Variants in CCNY observed in about 807,000 individuals in gnomAD.
The protein encoded by CCNY is cyclin Y, also known as cyclin-Y.
A neutral mutation model predicts 42.8 loss-of-function variants in CCNY; 19 were observed. The observed-to-expected ratio is 0.44, with a 90% CI of 0.31 to 0.65. CCNY has a LOEUF of 0.65. Ranked by LOEUF, CCNY falls within the 30% of genes least tolerant of loss-of-function variation. The pLI is 0.07. For synonymous variants in CCNY, 165 were observed against 162.7 expected, an observed-to-expected ratio of 1.01 and a Z score of -0.11; for missense variants, 370 against 437.3, an observed-to-expected ratio of 0.85 and a Z score of 1.37.
intron 1 of CCNY, among the ~76,000 whole-genome samples, chr10:35,401,739 G>T (rs1388884640): frequency 3.3e-5 from 5 of 152,096 alleles, no homozygotes; most frequent in African/African-American, 1.2e-4. Context: ...TAGGTTTTGG[G>T]ATAGACGATG....
chr10:35,337,671 T>C (rs533075994), intron 1 of CCNY, among the ~76,000 whole-genome samples: 39 of 152,276 alleles, frequency 2.6e-4, no homozygotes, highest in African/African-American at 9.1e-4. Flanking sequence ...TGGAGAACCA[T>C]GTTGAGTCAG....
In CCNY at chr10:35,525,967, C is replaced by T. The variant is rs372857520; in HGVS notation, c.369C>T (p.Val123=). The change falls in exon 5 of 10, where the codon GTC becomes GTT. Residue 123 remains valine (V), a synonymous_variant. Coordinates refer to ENST00000374704, the MANE Select transcript of CCNY (RefSeq NM_145012.6). ...QPNLKYTIKC[V]ALAIYYHIKN... ...CCTCTGCATTCTATTTTTACAGTGTCGCTCTTGCAATATATTATCACATCA... is the reference window on the plus strand; with the variant it reads ...CCTCTGCATTCTATTTTTACAGTGTTGCTCTTGCAATATATTATCACATCA... 44 of 1,611,660 alleles carry T rather than the reference C, an allele frequency of 2.7e-5. No homozygotes were observed. The highest frequency in any genetic ancestry group is 2.2e-5 in the East Asian group (1 of 44,748).
At chr10:35,344,940 G>A (rs1837014832) in intron 1 of CCNY, among the ~76,000 whole-genome samples, 1 of 152,228 alleles carries the variant, frequency 6.6e-6, no homozygotes. Context: ...ATTCCCTGGT[G>A]TATACGTGCC....
intron 3 of CCNY, among the ~76,000 whole-genome samples, chr10:35,254,507 T>C (rs1490208084): frequency 6.6e-6 from 1 of 152,166 alleles, no homozygotes; most frequent in East Asian, 1.9e-4. Flanking sequence ...TTTTTTTCTT[T>C]AGCACATAAT....
At position 35,291,172 on chromosome 10, in the gene CCNY, A is replaced by AT. The variant is rs1191286259; in HGVS notation, c.-9+40552dup. Among the ~76,000 whole-genome samples, 3 of 151,776 alleles carry AT rather than the reference A, an allele frequency of 2.0e-5. No individual in the cohort carries two copies. In the East Asian group the frequency reaches 5.9e-4, roughly 30 times the overall value. On this transcript the variant is annotated intron_variant, in intron 3 of 11. Transcript: ENST00000374706. ...AAGCACCCGCCACCACGCCCAGCTA[A>AT]TTTTTTGTATTTTTAGTAGAGATGG...
intron 3 of CCNY, among the ~76,000 whole-genome samples, chr10:35,287,271 T>C (rs1835364902): frequency 6.6e-6 from 1 of 152,220 alleles, no homozygotes; most frequent in African/African-American, 2.4e-5. Context: ...TGTTCCCAAT[T>C]TAAATAATTA....
chr10:35,392,299 C>T (rs865995734), intron 1 of CCNY, among the ~76,000 whole-genome samples: 1 of 152,148 alleles, frequency 6.6e-6, no homozygotes, highest in Non-Finnish European at 1.5e-5. Context: ...AGAATGTCCT[C>T]CATGAAGTTG....
chr10:35,294,756 T>C (rs937114323), intron 3 of CCNY, among the ~76,000 whole-genome samples: 1 of 152,230 alleles, frequency 6.6e-6, no homozygotes, highest in Admixed American at 6.5e-5. Flanking sequence ...ACTGGCATAA[T>C]AGAATGATTT....
At chr10:35,322,671 T>C (rs937881558) in intron 3 of CCNY, among the ~76,000 whole-genome samples, 4 of 152,128 alleles carry the variant, frequency 2.6e-5, no homozygotes, top group African/African-American at 9.7e-5. Flanking sequence ...CCCAACTAAA[T>C]TGGAAAAGAC....
chr10:35,344,543 A>AT (rs928284145), intron 1 of CCNY, among the ~76,000 whole-genome samples: 2 of 151,546 alleles, frequency 1.3e-5, no homozygotes, highest in East Asian at 1.9e-4. Flanking sequence ...TACAAAAAAA[A>AT]TTTTTTTTTC....
chr10:35,523,828 T>G (rs1840597216), intron 4 of CCNY, among the ~76,000 whole-genome samples: 1 of 152,164 alleles, frequency 6.6e-6, no homozygotes, highest in Non-Finnish European at 1.5e-5. Flanking sequence ...AATGAGGAAA[T>G]GAAAGCTCTG....
At chr10:35,273,474 G>A (rs986498016) in intron 3 of CCNY, among the ~76,000 whole-genome samples, 1 of 151,994 alleles carries the variant, frequency 6.6e-6, no homozygotes. Flanking sequence ...CAAAGTGCTG[G>A]GATTACAGGC....
chr10:35,356,965 C>T (rs1184856816), intron 1 of CCNY, among the ~76,000 whole-genome samples: 2 of 152,126 alleles, frequency 1.3e-5, no homozygotes, highest in South Asian at 2.1e-4. Flanking sequence ...CCTCCTTTCT[C>T]GTTGTGACTC....
intron 1 of CCNY, among the ~76,000 whole-genome samples, chr10:35,437,983 A>T (rs531631686): frequency 6.6e-6 from 1 of 152,302 alleles, no homozygotes; most frequent in Non-Finnish European, 1.5e-5. Flanking sequence ...GCCTACTCTG[A>T]TCGCTGGATG....
intron 4 of CCNY, among the ~76,000 whole-genome samples, chr10:35,520,992 G>A (rs914596590): frequency 4.6e-5 from 7 of 152,276 alleles, no homozygotes; most frequent in Non-Finnish European, 7.4e-5. Context: ...GCTAATGCCC[G>A]TCACAGCCCT....
chr10:35,323,170 C>T (rs909699866), intron 3 of CCNY, among the ~76,000 whole-genome samples: 3 of 152,164 alleles, frequency 2.0e-5, no homozygotes, highest in African/African-American at 7.2e-5. Flanking sequence ...CTCAGGTGAT[C>T]TGCCCGCCTC....
chr10:35,420,666 C>T (rs1187980000), intron 1 of CCNY, among the ~76,000 whole-genome samples: 1 of 152,126 alleles, frequency 6.6e-6, no homozygotes, highest in African/African-American at 2.4e-5. Flanking sequence ...CACTGGAAAA[C>T]AAAATCAGAC....
chr10:35,471,447 G>A (rs1379529861), intron 1 of CCNY, among the ~76,000 whole-genome samples: 1 of 152,092 alleles, frequency 6.6e-6, no homozygotes, highest in African/African-American at 2.4e-5. Flanking sequence ...TTATAACACT[G>A]GAAGGTAAAC....
intron 1 of CCNY, among the ~76,000 whole-genome samples, chr10:35,387,205 C>T (rs1355414175): frequency 6.6e-6 from 1 of 152,164 alleles, no homozygotes; most frequent in Non-Finnish European, 1.5e-5. Flanking sequence ...AAGGAAAACA[C>T]CAAAACTTAT....
Sources: gnomAD v4.1 joint callset for allele counts (sites outside exome capture counted in the v4.1 genomes callset) on GRCh38, gnomAD v4.1.1 for gene constraint, MANE v1.5 for transcripts, NCBI Gene and HGNC (gene_info 2026-07-23, HGNC 2026-07-21) for gene names.